AGPAT5: variants seen among roughly 807,000 people sequenced by gnomAD.
AGPAT5 encodes the protein 1-acylglycerol-3-phosphate O-acyltransferase 5.
Under a neutral mutation model 45.6 loss-of-function variants are expected in AGPAT5, and 46 were observed. The ratio of observed to expected loss-of-function variants is 1.01; its 90% confidence interval spans 0.80 to 1.29. The LOEUF (loss-of-function observed/expected upper bound fraction) is 1.29. Ranked by LOEUF, AGPAT5 falls within the 50% of genes most tolerant of loss-of-function variation. The probability of loss-of-function intolerance (pLI) is 0.00; values close to 1 mark genes in which losing one functional copy is unlikely to be tolerated. For missense variants in AGPAT5, 673 were observed against 450.7 expected, an observed-to-expected ratio of 1.49 and a Z score of -4.47; for synonymous variants, 272 against 167.0, an observed-to-expected ratio of 1.63 and a Z score of -4.85.
Position 6,759,310 on chromosome 8 carries a change from G to C in AGPAT5, c.*1922G>C, listed in dbSNP as rs1379826256. On this transcript the variant is annotated 3_prime_UTR_variant, in exon 8 of 8. Transcript: ENST00000285518. ...TCATTTTAACAAGGTAGCCTGACCT[G>C]CATAAGATCACTTGAATGTTAGGTT... The C allele has an allele frequency of 6.6e-6, 1 of 152,166 alleles. No individual in the cohort carries two copies. Among genetic ancestry groups the C allele is most frequent in the African/African-American group, 2.4e-5 (1 of 41,426 alleles). The allele number at this position is 152,166 out of a possible 1,614,324, so 9.4% of individuals were successfully genotyped here.
At chr8:6,735,640 C>T (rs1005870038) in intron 4 of AGPAT5, among the ~76,000 whole-genome samples, 2 of 152,100 alleles carry the variant, frequency 1.3e-5, no homozygotes, top group Non-Finnish European at 2.9e-5. Context: ...AACCTTGCAG[C>T]TCTCTGAAGG....
At chr8:6,710,883 A>T (rs1341858629) in intron 1 of AGPAT5, among the ~76,000 whole-genome samples, 1 of 152,102 alleles carries the variant, frequency 6.6e-6, no homozygotes, top group Non-Finnish European at 1.5e-5. Flanking sequence ...TAAAATTTTT[A>T]GCTTGCTTTT....
At chr8:6,755,352 A>G (rs1482844490) in intron 7 of AGPAT5, among the ~76,000 whole-genome samples, 178 bp downstream of exon 7, 1 of 152,234 alleles carries the variant, frequency 6.6e-6, no homozygotes, top group Non-Finnish European at 1.5e-5. Context: ...AATCAGTCTA[A>G]AAGAACTTGT....
chr8:6,730,848 C>G, intron 3 of AGPAT5, 22 bp downstream of exon 3: 2 of 1,512,204 alleles, frequency 1.3e-6, no homozygotes, highest in Non-Finnish European at 1.8e-6. Context: ...CCATGCTTTT[C>G]TCTCTATATA....
At chr8:6,747,608 T>A in intron 5 of AGPAT5, 62 bp from the exon 6 acceptor site, 1 of 1,431,144 alleles carries the variant, frequency 7.0e-7, no homozygotes, top group Non-Finnish European at 9.6e-7. Context: ...ATTTAGATGT[T>A]AAACAGTATA....
chr8:6,759,756 C>T lies in AGPAT5; in HGVS notation c.*2368C>T, dbSNP rs532359994. On this transcript the variant is annotated 3_prime_UTR_variant, in exon 8 of 8. Transcript: ENST00000285518. Reference sequence around the variant, plus strand: ...GCTTAATGACTGGCCCTGCATTCTTCACAATATTTTTCCCTAAGCTTTGAG... The same window carrying T: ...GCTTAATGACTGGCCCTGCATTCTTTACAATATTTTTCCCTAAGCTTTGAG... The T allele has an allele frequency of 1.3e-5, 2 of 152,136 alleles. No individual in the cohort carries two copies. The highest frequency in any genetic ancestry group is 2.9e-5 in the Non-Finnish European group (2 of 68,032). The allele number at this position is 152,136 out of a possible 1,614,324, so 9.4% of individuals were successfully genotyped here. A position where few individuals can be genotyped will look rare whatever the true frequency, so the allele number is the denominator to read the frequency against.
At position 6,756,577 on chromosome 8, in the gene AGPAT5, C is replaced by G. The variant is rs2928581; in HGVS notation, c.870-586C>G. On this transcript the variant is annotated intron_variant, in intron 7 of 7. Transcript: ENST00000285518. ...AGACTGCAGTGAGCTATCATTGTGCCAACTCCAGCCTGGTAACAGAGTGCC... is the reference window on the plus strand; with the variant it reads ...AGACTGCAGTGAGCTATCATTGTGCGAACTCCAGCCTGGTAACAGAGTGCC... Among the ~76,000 whole-genome samples the G allele has an allele frequency of 8.0e-3, 1,182 of 146,858 alleles. 13 individuals are homozygous for G. Among genetic ancestry groups the G allele is most frequent in the African/African-American group, 0.028 (1,092 of 39,296 alleles).
intron 1 of AGPAT5, among the ~76,000 whole-genome samples, chr8:6,718,497 C>G (rs1042204056): frequency 9.7e-6 from 1 of 103,078 alleles, no homozygotes; most frequent in African/African-American, 4.5e-5. Flanking sequence ...CTTGTAACAT[C>G]CTTCTGGAAA....
intron 5 of AGPAT5, among the ~76,000 whole-genome samples, chr8:6,747,202 GGAAT>G (rs1411689667): frequency 6.6e-6 from 1 of 152,216 alleles, no homozygotes; most frequent in Admixed American, 6.5e-5. Context: ...GCCATAAAAA[GGAAT>G]GAAGCACTGA....
At chr8:6,735,215 G>A (rs1298966598) in intron 4 of AGPAT5, among the ~76,000 whole-genome samples, 2 of 152,124 alleles carry the variant, frequency 1.3e-5, no homozygotes, top group Non-Finnish European at 2.9e-5. Flanking sequence ...ATGGGTAGCA[G>A]GGTTTTGTTG....
chr8:6,729,689 T>G (rs1389249445), intron 2 of AGPAT5, among the ~76,000 whole-genome samples: 1 of 152,232 alleles, frequency 6.6e-6, no homozygotes, highest in Non-Finnish European at 1.5e-5. Context: ...ACTTCCTGTT[T>G]GTTTAATTGG....
chr8:6,716,804 G>A (rs901550301), intron 1 of AGPAT5, among the ~76,000 whole-genome samples: 3 of 152,094 alleles, frequency 2.0e-5, no homozygotes, highest in African/African-American at 4.8e-5. Context: ...TTGCACTCCA[G>A]ACTGGGCAAC....
intron 2 of AGPAT5, among the ~76,000 whole-genome samples, chr8:6,725,497 A>T (rs1004216057): frequency 1.3e-5 from 2 of 152,214 alleles, no homozygotes; most frequent in Non-Finnish European, 1.5e-5. Context: ...TACTTCTAAA[A>T]ACCTTTGTAT....
intron 6 of AGPAT5, 124 bp from the exon 7 acceptor site, chr8:6,754,927 G>T: frequency 2.7e-6 from 2 of 736,634 alleles, no homozygotes; most frequent in Non-Finnish European, 2.0e-6. Flanking sequence ...TTTTTCCTAA[G>T]GAATCTGTAC....
intron 4 of AGPAT5, among the ~76,000 whole-genome samples, chr8:6,739,681 A>G (rs78391086): frequency 0.047 from 7,162 of 152,190 alleles, 564 homozygotes; most frequent in African/African-American, 0.16. Context: ...CTACATAAAC[A>G]ATCATGTCAT....
In AGPAT5 at chr8:6,757,370, G is replaced by C. The variant is rs1450726192; in HGVS notation, c.1077G>C (p.Trp359Cys). 57 of 1,614,110 alleles carry C rather than the reference G, an allele frequency of 3.5e-5. No homozygotes were observed. Among genetic ancestry groups the C allele is most frequent in the Non-Finnish European group, 4.7e-5 (56 of 1,180,000 alleles). Residue 359 changes from tryptophan to cysteine, a missense_variant, in exon 8 of 8, where the codon TGG (tryptophan) becomes TGC (cysteine). Physicochemically the swap from Trp to Cys is radical, Grantham distance 215. Transcript: ENST00000285518. ...WIYGTLLGCLWVTIKA is the reference protein window; with the variant it reads ...WIYGTLLGCLCVTIKA ...ATGGAACCCTACTTGGCTGCCTGTGGGTTACTATTAAAGCATAGACAAGTA... is the reference window on the plus strand; with the variant it reads ...ATGGAACCCTACTTGGCTGCCTGTGCGTTACTATTAAAGCATAGACAAGTA...
intron 7 of AGPAT5, among the ~76,000 whole-genome samples, 167 bp from the exon 8 acceptor site, chr8:6,756,996 A>C (rs1175166224): frequency 1.3e-5 from 2 of 152,244 alleles, no homozygotes; most frequent in African/African-American, 4.8e-5. Flanking sequence ...GATATTTTAG[A>C]AGACTAGAAA....
Position 6,760,763 on chromosome 8 carries a change from G to A in AGPAT5, c.*3375G>A, listed in dbSNP as rs953124384. Among the ~76,000 whole-genome samples the A allele has an allele frequency of 3.9e-5, 6 of 152,016 alleles. No homozygotes were observed. Among genetic ancestry groups the A allele is most frequent in the South Asian group, 2.1e-4 (1 of 4,830 alleles). On this transcript the variant is annotated 3_prime_UTR_variant, in exon 8 of 8. Transcript: ENST00000285518. ...TTTTGATTAAAGAACTTGAAATTAC[G>A]TTATCACTTAGTATAATTGACATTA... is the stretch of plus-strand genomic sequence containing the variant.
intron 6 of AGPAT5, among the ~76,000 whole-genome samples, chr8:6,753,034 T>C (rs1801708630): frequency 3.3e-5 from 5 of 152,190 alleles, no homozygotes; most frequent in Admixed American, 2.6e-4. Context: ...TACAAGGAGA[T>C]AATAACAGCC....
Sources: gnomAD v4.1 joint callset for allele counts (sites outside exome capture counted in the v4.1 genomes callset) on GRCh38, gnomAD v4.1.1 for gene constraint, MANE v1.5 for transcripts, NCBI Gene and HGNC (gene_info 2026-07-23, HGNC 2026-07-21) for gene names.